CEP350: variants seen among roughly 807,000 people sequenced by gnomAD.
The protein encoded by CEP350 is centrosome-associated protein 350.
In CEP350, 126 loss-of-function variants were observed where a neutral mutation model predicts 331.8. The observed-to-expected ratio is 0.38, with a 90% CI of 0.33 to 0.44. The LOEUF (loss-of-function observed/expected upper bound fraction) is 0.44, where lower values mean the gene tolerates loss of function less well. Ranked by LOEUF, CEP350 falls within the 20% of genes least tolerant of loss-of-function variation. CEP350 has a pLI of 1.00. For missense variants in CEP350, 3,406 were observed against 3,634.6 expected, an observed-to-expected ratio of 0.94 and a Z score of 1.62; for synonymous variants, 1,200 against 1,259.5, an observed-to-expected ratio of 0.95 and a Z score of 1.00.
Position 180,050,227 on chromosome 1 carries a change from G to C in CEP350, c.4792+1522G>C, listed in dbSNP as rs1032145820. Among the ~76,000 whole-genome samples, 3 of 152,250 alleles carry C rather than the reference G, an allele frequency of 2.0e-5. No individual in the cohort carries two copies. In the South Asian group the frequency reaches 6.2e-4, roughly 32 times the overall value. Reference sequence around the variant, plus strand: ...CTGTGAAAGAAAAAATTGATGAATTGTGTTTTATCAGAATTTTAAAACTTC... The same window carrying C: ...CTGTGAAAGAAAAAATTGATGAATTCTGTTTTATCAGAATTTTAAAACTTC... On this transcript the variant is annotated intron_variant, in intron 22 of 37. Coordinates refer to ENST00000367607, the MANE Select transcript of CEP350 (RefSeq NM_014810.5).
At position 179,964,234 on chromosome 1, in the gene CEP350, T is replaced by A. The variant is rs77563402; in HGVS notation, c.-14+9092T>A. 4.2e-3 allele frequency among the ~76,000 whole-genome samples: 641 copies of A among 152,278 alleles called. 7 individuals are homozygous for A. The highest frequency in any genetic ancestry group is 0.014 in the Middle Eastern group (4 of 294). On this transcript the variant is annotated intron_variant, in intron 1 of 37. Coordinates refer to ENST00000367607, the MANE Select transcript of CEP350 (RefSeq NM_014810.5). ...GAGTTTTTTGAAGGACTCCTTAGGGTTGAACAGAGATAATTTGAGTTTCTC... is the reference window on the plus strand; with the variant it reads ...GAGTTTTTTGAAGGACTCCTTAGGGATGAACAGAGATAATTTGAGTTTCTC...
chr1:180,066,047 C>G (rs1277596882), intron 27 of CEP350, among the ~76,000 whole-genome samples: 1 of 151,970 alleles, frequency 6.6e-6, no homozygotes, highest in Non-Finnish European at 1.5e-5. Context: ...CTGAAATTTT[C>G]CAGGAATGTT....
At chr1:179,967,203 A>G (rs1651083984) in intron 1 of CEP350, among the ~76,000 whole-genome samples, 1 of 152,202 alleles carries the variant, frequency 6.6e-6, no homozygotes, top group Admixed American at 6.5e-5. Flanking sequence ...CCTTTGTACA[A>G]ATAGAAGGAT....
intron 1 of CEP350, 23 bp from the exon 2 acceptor site, chr1:179,986,146 G>A (rs368810210): frequency 1.9e-5 from 29 of 1,520,226 alleles, no homozygotes; most frequent in Middle Eastern, 1.8e-4. Flanking sequence ...ATTGATGTTC[G>A]GTGAATACTG....
At chr1:180,082,473 C>T (rs536336519) in intron 30 of CEP350, among the ~76,000 whole-genome samples, 1 of 152,230 alleles carries the variant, frequency 6.6e-6, no homozygotes, top group African/African-American at 2.4e-5. Flanking sequence ...TGCTGCCACA[C>T]CTGGCTAATT....
chr1:180,092,840 A>G lies in CEP350; in HGVS notation c.6735A>G (p.Ser2245=). The G allele has an allele frequency of 6.4e-7, 1 of 1,569,362 alleles. No individual in the cohort carries two copies. The highest frequency in any genetic ancestry group is 8.7e-7 in the Non-Finnish European group (1 of 1,155,600). ...LNATSRILDM[S]DGKVGESSKK... ...CCACTAGTAGAATTCTTGATATGTC[A>G]GATGGCAAGGTTGGAGAATCTAGTA... Residue 2245 remains serine (S), a synonymous_variant, in exon 34 of 38, where the codon TCA becomes TCG. Transcript: ENST00000367607.
chr1:179,976,082 A>G (rs1388310518), intron 1 of CEP350, among the ~76,000 whole-genome samples: 3 of 152,306 alleles, frequency 2.0e-5, no homozygotes, highest in South Asian at 2.1e-4. Context: ...TAAGATCCCA[A>G]ATATTCATAA....
intron 11 of CEP350, 80 bp downstream of exon 11, chr1:180,016,050 T>C: frequency 2.0e-6 from 3 of 1,523,022 alleles, no homozygotes; most frequent in Non-Finnish European, 2.7e-6. Context: ...AGAATTTTGT[T>C]GACTTTTGTG....
intron 36 of CEP350, among the ~76,000 whole-genome samples, chr1:180,098,593 C>T (rs1660624781): frequency 6.6e-6 from 1 of 152,146 alleles, no homozygotes; most frequent in African/African-American, 2.4e-5. Flanking sequence ...ATTCTCCTGC[C>T]TTGGCTTCAG....
chr1:180,009,328 AG>A (rs1654470756), intron 8 of CEP350, among the ~76,000 whole-genome samples: 2 of 152,362 alleles, frequency 1.3e-5, no homozygotes, highest in Admixed American at 6.5e-5. Flanking sequence ...ATTTTTAAAA[AG>A]TATTGTGTTT....
chr1:180,003,854 C>T (rs75774334), intron 7 of CEP350, among the ~76,000 whole-genome samples: 5,789 of 151,946 alleles, frequency 0.038, 131 homozygotes, highest in Middle Eastern at 0.14. Context: ...AATGGAGGCT[C>T]AAAGAGTCAT....
At chr1:180,047,370 G>T (rs1282630846) in intron 21 of CEP350, among the ~76,000 whole-genome samples, 2 of 152,130 alleles carry the variant, frequency 1.3e-5, no homozygotes, top group Non-Finnish European at 2.9e-5. Flanking sequence ...AAAATCAAGG[G>T]AAGGGCAAAG....
At position 180,019,896 on chromosome 1, in the gene CEP350, C is replaced by A. The variant is rs1307245083; in HGVS notation, c.2175-53C>A. On this transcript the variant is annotated intron_variant, in intron 11 of 37. Coordinates refer to ENST00000367607, the MANE Select transcript of CEP350 (RefSeq NM_014810.5). ...CTCTTATAATCAGATAAAAAAAAAA[C>A]TTTTTTAAAATGGTGGTTTAGTTAA... 4 of 1,479,412 alleles carry A rather than the reference C, an allele frequency of 2.7e-6. No individual in the cohort carries two copies. In the South Asian group the frequency reaches 4.5e-5, roughly 17 times the overall value. The allele number at this position is 1,479,412 out of a possible 1,614,324, so 91.6% of individuals were successfully genotyped here.
In CEP350 at chr1:180,014,170, C is replaced by A; in HGVS notation, c.1717C>A (p.Pro573Thr). ...PRSHSPVKRK[P>T]DKITANEDPP... ...GAGTCACAGCCCAGTAAAAAGAAAA[C>A]CTGACAAAATAACAGCTAATGAAGA... is the stretch of plus-strand genomic sequence containing the variant. Residue 573 changes from proline (P) to threonine (T), a missense_variant, in exon 10 of 38, where the codon CCT becomes ACT. Physicochemically the swap from Pro to Thr is conservative, Grantham distance 38. Around this residue, in one of 5 missense-constraint regions of CEP350, gnomAD observed 1,857 missense variants for 1,909.2 expected, o/e 0.97. Transcript: ENST00000367607. 1.2e-6 allele frequency: 2 copies of A among 1,608,630 alleles called. No individual in the cohort carries two copies. Among genetic ancestry groups the A allele is most frequent in the Non-Finnish European group, 8.5e-7 (1 of 1,177,426 alleles).
chr1:180,012,908 C>T (rs527868939), intron 9 of CEP350, among the ~76,000 whole-genome samples: 1 of 152,056 alleles, frequency 6.6e-6, no homozygotes, highest in South Asian at 2.1e-4. Context: ...TAAGTTTTTC[C>T]ATCCTTCACT....
chr1:179,993,565 G>A (rs577410490), intron 5 of CEP350, among the ~76,000 whole-genome samples: 3 of 152,108 alleles, frequency 2.0e-5, no homozygotes, highest in Non-Finnish European at 4.4e-5. Context: ...GCTTACAGGC[G>A]CTAGCTACCA....
At chr1:179,973,944 G>C (rs1651645496) in intron 1 of CEP350, among the ~76,000 whole-genome samples, 2 of 151,818 alleles carry the variant, frequency 1.3e-5, no homozygotes, top group Non-Finnish European at 2.9e-5. Context: ...CTGCTTCTGA[G>C]ATCATGTTTC....
At position 180,080,533 on chromosome 1, in the gene CEP350, G is replaced by A. The variant is rs1299077499; in HGVS notation, c.5996G>A (p.Cys1999Tyr). ...SPSKHSLPKS[C>Y]TSVSKQESSK... The stretch of plus-strand genomic sequence containing the variant: ...TTTGAACAGTCACTTCCCAAAAGCT[G>A]CACATCTGTGTCAAAGCAGGAGTCT... Residue 1999 changes from cysteine to tyrosine, a missense_variant, in exon 30 of 38, where the codon TGC becomes TAC. By Grantham distance (194) the Cys-to-Tyr change is radical. Coordinates refer to ENST00000367607, the MANE Select transcript of CEP350 (RefSeq NM_014810.5). The A allele has an allele frequency of 1.2e-6, 2 of 1,613,582 alleles. No homozygotes were observed. The highest frequency in any genetic ancestry group is 1.7e-6 in the Non-Finnish European group (2 of 1,179,674).
At chr1:180,084,367 T>A (rs1463794065) in intron 31 of CEP350, 189 bp downstream of exon 31, 2 of 427,202 alleles carry the variant, frequency 4.7e-6, no homozygotes, top group Non-Finnish European at 8.0e-6. Flanking sequence ...AAATTTTATT[T>A]TATTTATTTA....
Sources: allele counts gnomAD v4.1 joint callset (sites outside exome capture counted in the v4.1 genomes callset), GRCh38; gene constraint gnomAD v4.1.1; regional missense constraint gnomAD v4.1.1; transcripts MANE v1.5; gene names NCBI Gene and HGNC (gene_info 2026-07-23, HGNC 2026-07-21).